Variants in PGPEP1L observed in about 807,000 individuals in gnomAD.
The protein encoded by PGPEP1L is pyroglutamyl-peptidase I like.
Under a neutral mutation model 6.0 loss-of-function variants are expected in PGPEP1L, and 7 were observed. The observed-to-expected ratio is 1.17, with a 90% CI of 0.66 to 2.19. The LOEUF (loss-of-function observed/expected upper bound fraction) is 2.19. PGPEP1L is among the 30% of genes most tolerant of loss of function. The pLI is 0.00. For synonymous variants in PGPEP1L, 103 were observed against 83.9 expected, an observed-to-expected ratio of 1.23 and a Z score of -1.24; for missense variants, 209 against 192.5, an observed-to-expected ratio of 1.09 and a Z score of -0.51.
intron 2 of PGPEP1L, among the ~76,000 whole-genome samples, chr15:98,977,590 A>G (rs1487129323): frequency 6.6e-6 from 1 of 152,208 alleles, no homozygotes; most frequent in Non-Finnish European, 1.5e-5. Flanking sequence ...GACTGGTTTT[A>G]TGGCCCAGGG....
intron 2 of PGPEP1L, among the ~76,000 whole-genome samples, chr15:98,976,891 C>A (rs1420215656): frequency 1.3e-5 from 2 of 151,296 alleles, no homozygotes; most frequent in Non-Finnish European, 2.9e-5. Flanking sequence ...AGAGGAGAAA[C>A]AAGGAGGGCC....
rs2018100412 is a variant in PGPEP1L, at chr15:99,007,597, G to A, written c.-608C>T. On this transcript the variant is annotated 5_prime_UTR_variant, in exon 1 of 5. It adds an upstream start codon to the 5' untranslated region. Coordinates refer to ENST00000535714, the MANE Select transcript of PGPEP1L (RefSeq NM_001167902.2). ...TGAGTGCTACGGCTCTTAAGGTGGC[G>A]TGTTTGGAGTTATTCGTTTCTCCCG... The A allele has an allele frequency of 6.6e-6, 1 of 152,014 alleles. No homozygotes were observed. Among genetic ancestry groups the A allele is most frequent in the African/African-American group, 2.4e-5 (1 of 41,406 alleles). 9.4% of individuals were successfully genotyped at this position (152,014 alleles called of 1,614,324 possible). A position where few individuals can be genotyped will look rare whatever the true frequency, so the allele number is the denominator to read the frequency against.
intron 2 of PGPEP1L, among the ~76,000 whole-genome samples, chr15:98,974,387 AT>A (rs201531218): frequency 7.3e-5 from 11 of 151,652 alleles, no homozygotes; most frequent in South Asian, 4.2e-4. Flanking sequence ...TCAAAAAAAA[AT>A]AAAAATAAAA....
At chr15:99,006,624 T>A (rs1227104465) in intron 1 of PGPEP1L, among the ~76,000 whole-genome samples, 2 of 151,854 alleles carry the variant, frequency 1.3e-5, no homozygotes, top group African/African-American at 4.8e-5. Context: ...AGGCCAGGAG[T>A]TCAAGATCAA....
intron 2 of PGPEP1L, 34 bp from the exon 3 acceptor site, chr15:98,971,192 GA>G: frequency 5.5e-6 from 3 of 550,266 alleles, no homozygotes; most frequent in Non-Finnish European, 7.8e-6. Flanking sequence ...TGCCTCAGTT[GA>G]TGGGGGGGGG....
In PGPEP1L at chr15:99,004,993, G is replaced by A. The variant is rs560163934; in HGVS notation, c.-142+436C>T. Among the ~76,000 whole-genome samples, 18 of 152,132 alleles carry A rather than the reference G, an allele frequency of 1.2e-4. No homozygotes were observed. The East Asian group carries it at 2.1e-3, about 18-fold the overall frequency. ...TCCTTTGCGGGTGGCTGTTGTAGAT[G>A]GGTTTGCAAGCCTTGTGAGGGCCCT... On this transcript the variant is annotated intron_variant, in intron 2 of 4. Transcript: ENST00000535714.
chr15:98,981,215 G>A lies in PGPEP1L; in HGVS notation c.-141-10057C>T, dbSNP rs547923853. On this transcript the variant is annotated intron_variant, in intron 2 of 4. Transcript: ENST00000535714. ...CATCAAAAACTAGGAAAGTCTGGCC[G>A]GGCGCGGTGGCTCCCGCCTGTAATC... Among the ~76,000 whole-genome samples, 5 of 151,988 alleles carry A rather than the reference G, an allele frequency of 3.3e-5. No homozygotes were observed. The South Asian group carries it at 6.3e-4, about 19-fold the overall frequency.
Position 98,983,206 on chromosome 15 carries a change from A to C in PGPEP1L, c.-141-12048T>G, listed in dbSNP as rs73468215. On this transcript the variant is annotated intron_variant, in intron 2 of 4. Transcript: ENST00000535714. The stretch of plus-strand genomic sequence containing the variant: ...AGAGAAACAATTTTCTTTCACTTGG[A>C]AAGGTTTGCAGTTACTTTCCTATCC... Among the ~76,000 whole-genome samples the C allele has an allele frequency of 2.8e-3, 431 of 151,342 alleles. 2 individuals carry two copies. Among genetic ancestry groups the C allele is most frequent in the African/African-American group, 0.01 (419 of 41,280 alleles).
chr15:98,970,387 G>A (rs1290858326), intron 3 of PGPEP1L, among the ~76,000 whole-genome samples: 1 of 152,088 alleles, frequency 6.6e-6, no homozygotes, highest in Non-Finnish European at 1.5e-5. Flanking sequence ...GGAAGTTAGT[G>A]GCCATCCAGT....
At chr15:98,976,168 T>C (rs1479899038) in intron 2 of PGPEP1L, among the ~76,000 whole-genome samples, 1 of 152,192 alleles carries the variant, frequency 6.6e-6, no homozygotes, top group East Asian at 1.9e-4. Flanking sequence ...ACAATGTGAA[T>C]GTACTTAATG....
At chr15:98,970,904 C>T in intron 3 of PGPEP1L, 132 bp downstream of exon 3, 1 of 1,319,572 alleles carries the variant, frequency 7.6e-7, no homozygotes, top group South Asian at 1.5e-5. Flanking sequence ...TCAGCTGGGA[C>T]CTTGCATGAC....
chr15:98,976,921 G>A (rs1364047008), intron 2 of PGPEP1L, among the ~76,000 whole-genome samples: 3 of 150,872 alleles, frequency 2.0e-5, no homozygotes, highest in African/African-American at 4.9e-5. Flanking sequence ...TGGGCCTCAT[G>A]CTCCTCACCT....
At chr15:98,977,593 G>A (rs2017588955) in intron 2 of PGPEP1L, among the ~76,000 whole-genome samples, 1 of 152,176 alleles carries the variant, frequency 6.6e-6, no homozygotes, top group South Asian at 2.1e-4. Context: ...TGGTTTTATG[G>A]CCCAGGGTAT....
At chr15:98,986,612 G>C (rs1460374813) in intron 2 of PGPEP1L, among the ~76,000 whole-genome samples, 2 of 151,722 alleles carry the variant, frequency 1.3e-5, no homozygotes, top group African/African-American at 2.4e-5. Flanking sequence ...ACCTGGGGTT[G>C]TAAGAACTCC....
chr15:98,978,726 A>ATATATAT (rs1446348988), intron 2 of PGPEP1L, among the ~76,000 whole-genome samples: 20 of 85,236 alleles, frequency 2.3e-4, no homozygotes, highest in African/African-American at 6.7e-4. Flanking sequence ...ATATATATAT[A>ATATATAT]TTTTTTTTTT....
At chr15:98,995,519 G>A (rs930265932) in intron 2 of PGPEP1L, among the ~76,000 whole-genome samples, 4 of 152,128 alleles carry the variant, frequency 2.6e-5, no homozygotes, top group Admixed American at 6.6e-5. Context: ...CCAACATAGT[G>A]AAACCCCATC....
rs914275609 is a variant in PGPEP1L at position 98,991,775 on chromosome 15, C to T, written c.-142+13654G>A. 2.6e-5 allele frequency among the ~76,000 whole-genome samples: 4 copies of T among 152,198 alleles called. 1 individual carries two copies. Among genetic ancestry groups the T allele is most frequent in the African/African-American group, 9.7e-5 (4 of 41,448 alleles). ...TCTACTACAATCAAGTCAGCTTCAT[C>T]CCTGGGATGCAAGGCTGGTTCAACA... On this transcript the variant is annotated intron_variant, in intron 2 of 4. Transcript: ENST00000535714.
intron 4 of PGPEP1L, 59 bp downstream of exon 4, chr15:98,969,366 C>T (rs964542136): frequency 2.4e-5 from 39 of 1,598,384 alleles, no homozygotes; most frequent in South Asian, 8.8e-5. Context: ...GTCGGGGGGA[C>T]GCTGACGGCC....
At chr15:98,999,529 T>C (rs1479682504) in intron 2 of PGPEP1L, among the ~76,000 whole-genome samples, 1 of 152,232 alleles carries the variant, frequency 6.6e-6, no homozygotes, top group Non-Finnish European at 1.5e-5. Flanking sequence ...TTGACAATTT[T>C]TTTTTAATTG....
Sources: allele counts gnomAD v4.1 joint callset (sites outside exome capture counted in the v4.1 genomes callset), GRCh38; gene constraint gnomAD v4.1.1; transcripts MANE v1.5; gene names NCBI Gene and HGNC (gene_info 2026-07-23, HGNC 2026-07-21).